Variants in PRDM16 observed in about 807,000 individuals in gnomAD.
The protein encoded by PRDM16 is histone-lysine N-methyltransferase PRDM16.
In PRDM16, 23 loss-of-function variants were observed where a neutral mutation model predicts 110.6. That is an observed-to-expected ratio of 0.21 (90% CI 0.15 to 0.29). The LOEUF is 0.29. Among genes scored for constraint, PRDM16 ranks in the 10% least tolerant of loss-of-function variants. The pLI, the probability that PRDM16 is intolerant of heterozygous loss-of-function variation, is 1.00. For synonymous variants in PRDM16, 799 were observed against 781.8 expected, an observed-to-expected ratio of 1.02 and a Z score of -0.37; for missense variants, 1,615 against 1,794.3, an observed-to-expected ratio of 0.90 and a Z score of 1.81.
At chr1:3,337,614 C>T (rs1292391201) in intron 3 of PRDM16, among the ~76,000 whole-genome samples, 1 of 152,174 alleles carries the variant, frequency 6.6e-6, no homozygotes. Flanking sequence ...GGCTGCTTGG[C>T]CACTGCGGGG....
At chr1:3,343,266 A>T (rs1188790088) in intron 3 of PRDM16, among the ~76,000 whole-genome samples, 1 of 149,138 alleles carries the variant, frequency 6.7e-6, no homozygotes, top group African/African-American at 2.5e-5. Context: ...TTCACTGGGT[A>T]TAAGTGCTTT....
intron 3 of PRDM16, among the ~76,000 whole-genome samples, chr1:3,335,155 G>C (rs902067985): frequency 3.3e-5 from 5 of 152,256 alleles, no homozygotes; most frequent in African/African-American, 1.2e-4. Flanking sequence ...GGAGCCCAGC[G>C]TGCGAATTCC....
intron 2 of PRDM16, among the ~76,000 whole-genome samples, chr1:3,232,960 G>A (rs751321225): frequency 1.3e-5 from 2 of 152,158 alleles, no homozygotes; most frequent in Non-Finnish European, 2.9e-5. Flanking sequence ...AATAAACGAG[G>A]GATCAATCAG....
chr1:3,148,926 G>C lies in PRDM16; in HGVS notation c.38-37199G>C, dbSNP rs1021705796. ...CAGTTGCGGAGGAAATGTTGGAGGA[G>C]GGGCAGTGGGGAAGGGCTGGAGCCC... is the stretch of plus-strand genomic sequence containing the variant. On this transcript the variant is annotated intron_variant, in intron 1 of 16. Coordinates refer to ENST00000270722, the MANE Select transcript of PRDM16 (RefSeq NM_022114.4). The surrounding 1 kb of genome is among the most constrained non-coding windows in gnomAD (Gnocchi z 5.0). 6.6e-6 allele frequency among the ~76,000 whole-genome samples: 1 copy of C among 152,212 alleles called. No individual in the cohort carries two copies. The highest frequency in any genetic ancestry group is 2.4e-5 in the African/African-American group (1 of 41,450).
rs531478146 is a variant in PRDM16, at chr1:3,175,091, C to T, written c.38-11034C>T. ...CTCCTAGCACCATTTCCTGGAGTTA[C>T]GACAGCTTTGTTCTTGTCTCAAAGC... On this transcript the variant is annotated intron_variant, in intron 1 of 16. Transcript: ENST00000270722. The surrounding 1 kb of genome is among the most constrained non-coding windows in gnomAD (Gnocchi z 4.8). Among the ~76,000 whole-genome samples, 6 of 152,294 alleles carry T rather than the reference C, an allele frequency of 3.9e-5. No homozygotes were observed. Among genetic ancestry groups the T allele is most frequent in the East Asian group, 3.9e-4 (2 of 5,176 alleles).
chr1:3,316,647 G>A (rs571912016), intron 3 of PRDM16, among the ~76,000 whole-genome samples: 3 of 149,012 alleles, frequency 2.0e-5, no homozygotes, highest in Admixed American at 2.0e-4. Flanking sequence ...AGAAAACAGT[G>A]ACACAGTGAC....
At chr1:3,392,784 C>G (rs1643319618) in intron 4 of PRDM16, among the ~76,000 whole-genome samples, 1 of 152,200 alleles carries the variant, frequency 6.6e-6, no homozygotes, top group Non-Finnish European at 1.5e-5. Context: ...CCTGGGCTGA[C>G]TCTAGGCTCT....
chr1:3,135,530 G>A (rs559680739), intron 1 of PRDM16, among the ~76,000 whole-genome samples: 11 of 152,152 alleles, frequency 7.2e-5, no homozygotes, highest in East Asian at 3.9e-4. Context: ...GCAGGCTTGC[G>A]CTGGTTCTAT....
At chr1:3,426,903 G>T (rs984084789) in intron 14 of PRDM16, among the ~76,000 whole-genome samples, 2 of 152,066 alleles carry the variant, frequency 1.3e-5, no homozygotes, top group African/African-American at 4.8e-5. Flanking sequence ...TTGCGTGCAG[G>T]TCCCCAAATA....
At chr1:3,364,606 G>A (rs540221442) in intron 3 of PRDM16, among the ~76,000 whole-genome samples, 117 of 152,304 alleles carry the variant, frequency 7.7e-4, no homozygotes, top group Non-Finnish European at 1.4e-3. Flanking sequence ...TCCTGCACGT[G>A]GCCCCCTGGT....
chr1:3,392,502 G>T (rs911156558), intron 4 of PRDM16, among the ~76,000 whole-genome samples: 1 of 152,184 alleles, frequency 6.6e-6, no homozygotes, highest in African/African-American at 2.4e-5. Flanking sequence ...CCACCTGGTG[G>T]AATTTGCATG....
intron 1 of PRDM16, among the ~76,000 whole-genome samples, chr1:3,084,101 C>T (rs1183986551): frequency 6.6e-6 from 1 of 152,346 alleles, no homozygotes; most frequent in African/African-American, 2.4e-5. Context: ...CGAATCCCAG[C>T]GCTGCTGTGG....
chr1:3,225,706 G>T (rs923981779), intron 2 of PRDM16, among the ~76,000 whole-genome samples: 1 of 152,186 alleles, frequency 6.6e-6, no homozygotes, highest in African/African-American at 2.4e-5. Context: ...TGAAGGAGTT[G>T]AAATAAGGCT....
At chr1:3,279,772 T>C (rs1190280890) in intron 3 of PRDM16, among the ~76,000 whole-genome samples, 1 of 151,580 alleles carries the variant, frequency 6.6e-6, no homozygotes, top group East Asian at 2.0e-4. Context: ...CTTTCCCCAT[T>C]GCCTGAGGAC....
chr1:3,424,768 G>C (rs886464658), intron 12 of PRDM16, among the ~76,000 whole-genome samples: 5 of 151,754 alleles, frequency 3.3e-5, no homozygotes, highest in African/African-American at 1.2e-4. Flanking sequence ...GCCACCTCGA[G>C]GGGTGGAGGA....
In PRDM16 at chr1:3,320,986, C is replaced by T. The variant is rs767027780; in HGVS notation, c.439-64166C>T. Among the ~76,000 whole-genome samples the T allele has an allele frequency of 1.6e-4, 24 of 152,354 alleles. 1 individual carries two copies. Among genetic ancestry groups the T allele is most frequent in the Admixed American group, 3.3e-4 (5 of 15,310 alleles). On this transcript the variant is annotated intron_variant, in intron 3 of 16. Transcript: ENST00000270722. ...TCCCAAGCACCCGAGGGAGACGAAA[C>T]GCGTGCCCTTCCTCATGGAGCCTGA...
chr1:3,165,445 G>A, intron 1 of PRDM16, among the ~76,000 whole-genome samples: 1 of 112,306 alleles, frequency 8.9e-6, no homozygotes, highest in South Asian at 3.9e-4. Flanking sequence ...ACTCACCTGG[G>A]CTCAGGGACA....
chr1:3,316,938 G>A (rs1028897874), intron 3 of PRDM16, among the ~76,000 whole-genome samples: 3 of 152,090 alleles, frequency 2.0e-5, no homozygotes, highest in Non-Finnish European at 4.4e-5. Flanking sequence ...ACAGGAGGTC[G>A]CCAGAAAACA....
chr1:3,407,895 T>C (rs1025416834), intron 8 of PRDM16, among the ~76,000 whole-genome samples: 2 of 152,212 alleles, frequency 1.3e-5, no homozygotes. Context: ...TGCCTTGGCT[T>C]TTTGCTAAGG....
Sources: gnomAD v4.1 joint callset for allele counts (sites outside exome capture counted in the v4.1 genomes callset) on GRCh38, gnomAD v4.1.1 for gene constraint, Gnocchi (gnomAD v3.1) non-coding constraint, MANE v1.5 for transcripts, NCBI Gene and HGNC (gene_info 2026-07-23, HGNC 2026-07-21) for gene names.